The following GRIK2 variants were observed in gnomAD, a reference collection of about 807,000 sequenced individuals.
The protein encoded by GRIK2 is glutamate receptor ionotropic, kainate 2.
GRIK2 carries 32 observed loss-of-function variants against 100.3 expected under a neutral mutation model. That is an observed-to-expected ratio of 0.32 (90% CI 0.24 to 0.43). The LOEUF is 0.43. Ranked by LOEUF, GRIK2 falls within the 20% of genes least tolerant of loss-of-function variation. The pLI is 1.00. For synonymous variants in GRIK2, 417 were observed against 389.4 expected, an observed-to-expected ratio of 1.07 and a Z score of -0.83; for missense variants, 843 against 1,114.9, an observed-to-expected ratio of 0.76 and a Z score of 3.47.
chr6:101,400,816 T>C (rs75178472), intron 2 of GRIK2, among the ~76,000 whole-genome samples: 248 of 152,310 alleles, frequency 1.6e-3, no homozygotes, highest in African/African-American at 5.4e-3. Context: ...CTGCTGATGA[T>C]AAAAGAGGCA....
intron 14 of GRIK2, among the ~76,000 whole-genome samples, chr6:101,999,684 T>G (rs997123726): frequency 6.6e-5 from 10 of 152,106 alleles, no homozygotes; most frequent in Non-Finnish European, 1.0e-4. Context: ...ATAAGTTTTT[T>G]GTGCCTTACT....
At chr6:101,784,548 G>A (rs1779306045) in intron 7 of GRIK2, among the ~76,000 whole-genome samples, 3 of 152,096 alleles carry the variant, frequency 2.0e-5, no homozygotes, top group Admixed American at 1.3e-4. Context: ...ATTTGTGAGG[G>A]ACCAGGATTG....
At chr6:101,814,598 T>C (rs1781522152) in intron 9 of GRIK2, among the ~76,000 whole-genome samples, 2 of 152,086 alleles carry the variant, frequency 1.3e-5, no homozygotes, top group African/African-American at 4.8e-5. Flanking sequence ...AAGGGAAAGA[T>C]AACAAGTAGA....
intron 10 of GRIK2, among the ~76,000 whole-genome samples, chr6:101,838,988 C>CT (rs61212050): frequency 0.18 from 26,736 of 149,400 alleles, 3,199 homozygotes; most frequent in East Asian, 0.68. Context: ...CTGGAATATG[C>CT]TTTTTTTTTT....
intron 14 of GRIK2, among the ~76,000 whole-genome samples, chr6:101,971,937 T>A (rs1216359051): frequency 6.6e-6 from 1 of 151,996 alleles, no homozygotes; most frequent in Non-Finnish European, 1.5e-5. Flanking sequence ...TTGTTCTTTT[T>A]TTGGCATCAT....
Position 101,773,884 on chromosome 6 carries a change from A to T in GRIK2, c.952-25764A>T, listed in dbSNP as rs150538422. 4.0e-3 allele frequency among the ~76,000 whole-genome samples: 602 copies of T among 152,278 alleles called. 6 individuals are homozygous for T. The highest frequency in any genetic ancestry group is 0.013 in the African/African-American group (533 of 41,568). On this transcript the variant is annotated intron_variant, in intron 7 of 16. Coordinates refer to ENST00000369134, the MANE Select transcript of GRIK2 (RefSeq NM_021956.5). ...TTTCTATGAAAATTGTACTTTTTCA[A>T]AATTTTATGACAAGTTGCTACTACA...
intron 2 of GRIK2, among the ~76,000 whole-genome samples, chr6:101,562,603 A>G (rs1777076149): frequency 6.6e-6 from 1 of 152,028 alleles, no homozygotes; most frequent in African/African-American, 2.4e-5. Flanking sequence ...TCGGCCTCCC[A>G]AAGTGCTGGC....
chr6:101,648,647 A>G (rs1438795620), intron 4 of GRIK2, among the ~76,000 whole-genome samples: 1 of 152,106 alleles, frequency 6.6e-6, no homozygotes, highest in Admixed American at 6.6e-5. Flanking sequence ...CTAAAGATTG[A>G]ATTCAAAGCA....
At chr6:101,617,946 A>G (rs1055504601) in intron 2 of GRIK2, among the ~76,000 whole-genome samples, 1 of 151,012 alleles carries the variant, frequency 6.6e-6, no homozygotes, top group East Asian at 1.9e-4. Context: ...ATGTGTGTGT[A>G]TATATATGTG....
intron 14 of GRIK2, among the ~76,000 whole-genome samples, chr6:101,936,180 T>G (rs900224825): frequency 5.3e-5 from 8 of 152,032 alleles, no homozygotes; most frequent in African/African-American, 1.7e-4. Flanking sequence ...GTTAATGAAA[T>G]TTTTGTTTGT....
intron 14 of GRIK2, among the ~76,000 whole-genome samples, chr6:101,998,272 C>G (rs1257595943): frequency 6.6e-6 from 1 of 152,068 alleles, no homozygotes; most frequent in African/African-American, 2.4e-5. Context: ...TATTTGTGGA[C>G]CACAGTTGAC....
At chr6:101,841,136 A>C (rs2764221) in intron 10 of GRIK2, among the ~76,000 whole-genome samples, 42,252 of 152,036 alleles carry the variant, frequency 0.28, 8,388 homozygotes, top group East Asian at 0.68. Context: ...CTTCAAAGTG[A>C]AGCACACACT....
chr6:101,397,659 T>C (rs1239150166), intron 1 of GRIK2, among the ~76,000 whole-genome samples: 1 of 137,718 alleles, frequency 7.3e-6, no homozygotes, highest in Non-Finnish European at 1.5e-5. Flanking sequence ...AATGAAAACA[T>C]TACAGTGTTT....
At chr6:101,679,734 C>T (rs776946900) in intron 5 of GRIK2, among the ~76,000 whole-genome samples, 3 of 151,920 alleles carry the variant, frequency 2.0e-5, no homozygotes, top group Non-Finnish European at 4.4e-5. Context: ...CTATTTCTAC[C>T]TCCAATTTTG....
chr6:102,029,209 G>A (rs558866365), intron 14 of GRIK2, among the ~76,000 whole-genome samples: 7 of 151,088 alleles, frequency 4.6e-5, no homozygotes, highest in Non-Finnish European at 1.0e-4. Flanking sequence ...GATCAGCTTA[G>A]TCCTTATGTT....
chr6:101,672,261 C>T (rs1453172145), intron 4 of GRIK2, among the ~76,000 whole-genome samples: 4 of 152,148 alleles, frequency 2.6e-5, no homozygotes, highest in African/African-American at 9.7e-5. Flanking sequence ...AAAGTGCTTA[C>T]TGAGATTTGT....
At chr6:101,768,310 T>A (rs1199092122) in intron 7 of GRIK2, among the ~76,000 whole-genome samples, 2 of 152,226 alleles carry the variant, frequency 1.3e-5, no homozygotes, top group East Asian at 3.8e-4. Flanking sequence ...TTTTTCCTTT[T>A]TTGTTCCATG....
chr6:101,876,287 A>C (rs945085200), intron 11 of GRIK2, among the ~76,000 whole-genome samples: 1 of 151,804 alleles, frequency 6.6e-6, no homozygotes, highest in Non-Finnish European at 1.5e-5. Context: ...ATGTTTGCAG[A>C]AGCTTTTCTT....
intron 15 of GRIK2, among the ~76,000 whole-genome samples, chr6:102,043,454 T>C (rs923215399): frequency 1.3e-5 from 2 of 151,916 alleles, no homozygotes; most frequent in Non-Finnish European, 2.9e-5. Context: ...CTCTGCTTTC[T>C]GTTTCTATCA....
Sources: allele counts gnomAD v4.1 joint callset (sites outside exome capture counted in the v4.1 genomes callset), GRCh38; gene constraint gnomAD v4.1.1; transcripts MANE v1.5; gene names NCBI Gene and HGNC (gene_info 2026-07-23, HGNC 2026-07-21).